SYCP2L: variants seen among roughly 807,000 people sequenced by gnomAD.
The protein encoded by SYCP2L is synaptonemal complex protein 2-like.
SYCP2L carries 98 observed loss-of-function variants against 125.8 expected under a neutral mutation model. The observed-to-expected ratio is 0.78, with a 90% CI of 0.66 to 0.92. The LOEUF is 0.92. Ranked by LOEUF, SYCP2L falls within the 40% of genes least tolerant of loss-of-function variation. The pLI is 0.00. For synonymous variants in SYCP2L, 317 were observed against 325.4 expected, an observed-to-expected ratio of 0.97 and a Z score of 0.28; for missense variants, 842 against 936.4, an observed-to-expected ratio of 0.90 and a Z score of 1.32.
chr6:10,937,153 C>T (rs1002902596), intron 21 of SYCP2L, among the ~76,000 whole-genome samples: 2 of 152,162 alleles, frequency 1.3e-5, no homozygotes, highest in African/African-American at 4.8e-5. Context: ...CTCCAGTGTA[C>T]AGTGCGCATG....
chr6:10,893,070 C>T (rs990886455), intron 2 of SYCP2L, among the ~76,000 whole-genome samples: 6 of 151,284 alleles, frequency 4.0e-5, no homozygotes, highest in Non-Finnish European at 5.9e-5. Context: ...TGCAGTGGTG[C>T]GATCTCGACT....
At chr6:10,898,730 C>A in intron 5 of SYCP2L, 94 bp from the exon 6 acceptor site, 1 of 859,332 alleles carries the variant, frequency 1.2e-6, no homozygotes, top group Non-Finnish European at 1.9e-6. Context: ...CAATGCCTGC[C>A]TGTTAGAGAA....
chr6:10,924,703 A>T, intron 15 of SYCP2L, 62 bp downstream of exon 15: 1 of 1,354,630 alleles, frequency 7.4e-7, no homozygotes, highest in Non-Finnish European at 9.6e-7. Context: ...TGTCTATTAA[A>T]TGTCCTTGTT....
chr6:10,953,236 A>G (rs1781442871), intron 23 of SYCP2L, among the ~76,000 whole-genome samples: 4 of 152,136 alleles, frequency 2.6e-5, no homozygotes, highest in Admixed American at 6.5e-5. Flanking sequence ...TTCCAAATTC[A>G]TATATTTATA....
Position 10,963,787 on chromosome 6 carries a change from A to G in SYCP2L, c.2420A>G (p.Asn807Ser), listed in dbSNP as rs763138504. The change falls in exon 29 of 30, where the codon AAT becomes AGT. Residue 807 changes from asparagine (N) to serine (S), a missense_variant. Transcript: ENST00000283141. ...GATGGACCAATTTCTTCCAGGTTCA[A>G]TTCAACTCAGACTTCATAAGAAAGC... ...SFCDLQVLRFNSTQTS is the reference protein window; with the variant it reads ...SFCDLQVLRFSSTQTS The G allele has an allele frequency of 1.5e-5, 25 of 1,613,868 alleles. No homozygotes were observed. The East Asian group carries it at 2.7e-4, about 17-fold the overall frequency.
chr6:10,942,232 G>A (rs1017232955), intron 21 of SYCP2L, among the ~76,000 whole-genome samples: 1 of 151,962 alleles, frequency 6.6e-6, no homozygotes, highest in Non-Finnish European at 1.5e-5. Flanking sequence ...CACCAACATG[G>A]CACATGTATA....
chr6:10,923,935 C>T lies in SYCP2L; in HGVS notation c.1073-561C>T, dbSNP rs550394856. On this transcript the variant is annotated intron_variant, in intron 14 of 29. Coordinates refer to ENST00000283141, the MANE Select transcript of SYCP2L (RefSeq NM_001040274.3). ...TCCTGACCTCGTGATCCACCCGCCT[C>T]GGCCTCCCAAAGTGCTGGGATTACA... Among the ~76,000 whole-genome samples the T allele has an allele frequency of 4.1e-3, 618 of 152,280 alleles. 3 individuals are homozygous for T. The highest frequency in any genetic ancestry group is 0.01 in the Middle Eastern group (3 of 294).
rs924048288 is a variant in SYCP2L, at chr6:10,887,273, C to T, written c.9+138C>T. The stretch of plus-strand genomic sequence containing the variant: ...GGTGCTGGGCATAGTCCCCCGCCAC[C>T]TCCTTGGGTTTGCTCGGAGTGTATT... On this transcript the variant is annotated intron_variant, in intron 1 of 29. Transcript: ENST00000283141. 32 of 1,194,990 alleles carry T rather than the reference C, an allele frequency of 2.7e-5. No homozygotes were observed. The African/African-American group carries it at 3.3e-4, about 12-fold the overall frequency. The allele number at this position is 1,194,990 out of a possible 1,614,324, so 74.0% of individuals were successfully genotyped here. A position where few individuals can be genotyped will look rare whatever the true frequency, so the allele number is the denominator to read the frequency against.
intron 4 of SYCP2L, among the ~76,000 whole-genome samples, chr6:10,894,630 A>G (rs988438671): frequency 5.9e-5 from 9 of 152,192 alleles, no homozygotes; most frequent in Admixed American, 5.2e-4. Context: ...TAAACCTTGG[A>G]TGAATCTGAA....
intron 4 of SYCP2L, 68 bp from the exon 5 acceptor site, chr6:10,897,943 T>C (rs777965087): frequency 4.0e-5 from 40 of 1,009,108 alleles, no homozygotes; most frequent in Admixed American, 1.8e-5. Context: ...GAGAAAATTG[T>C]CTTGTGCAAT....
chr6:10,920,043 G>A (rs1780766404), intron 14 of SYCP2L, among the ~76,000 whole-genome samples: 1 of 152,146 alleles, frequency 6.6e-6, no homozygotes, highest in African/African-American at 2.4e-5. Context: ...GAAGTGTGGG[G>A]TCTTCATGAC....
At chr6:10,915,748 C>G (rs66602047) in intron 14 of SYCP2L, among the ~76,000 whole-genome samples, 35,266 of 152,008 alleles carry the variant, frequency 0.23, 4,513 homozygotes, top group Non-Finnish European at 0.29. Flanking sequence ...ATTTTAGCAT[C>G]TATGTTCATC....
Position 10,927,238 on chromosome 6 carries a change from A to C in SYCP2L, c.1313-2A>C. 1 of 1,614,040 alleles carries C rather than the reference A, an allele frequency of 6.2e-7. No individual in the cohort carries two copies. The highest frequency in any genetic ancestry group is 8.5e-7 in the Non-Finnish European group (1 of 1,179,974). On this transcript the variant is annotated splice_acceptor_variant, in intron 16 of 29. Transcript: ENST00000283141. LOFTEE classifies it high-confidence loss of function. ...TATTAGTCTTTTTCTTAATTTGTAT[A>C]GAGCAGGCAGAAGAATCCACTAACA...
rs10946907 is a variant in SYCP2L, at chr6:10,954,221, G to T, written c.1955-895G>T. ...GATGTCACAACTAAAGGTACAGTGC[G>T]GGGGAGAGAGTGGTTTTAAGTGGGA... On this transcript the variant is annotated intron_variant, in intron 23 of 29. Coordinates refer to ENST00000283141, the MANE Select transcript of SYCP2L (RefSeq NM_001040274.3). The surrounding 1 kb of genome is among the most constrained non-coding windows in gnomAD (Gnocchi z 4.8). 0.051 allele frequency among the ~76,000 whole-genome samples: 7,759 copies of T among 152,288 alleles called. 273 individuals carry two copies. Among genetic ancestry groups the T allele is most frequent in the African/African-American group, 0.083 (3,437 of 41,562 alleles).
At chr6:10,923,052 C>T (rs996420589) in intron 14 of SYCP2L, among the ~76,000 whole-genome samples, 1 of 152,088 alleles carries the variant, frequency 6.6e-6, no homozygotes, top group African/African-American at 2.4e-5. Flanking sequence ...TTTGTGCTTA[C>T]AGAGCATCTC....
At chr6:10,923,282 T>C (rs1481908269) in intron 14 of SYCP2L, among the ~76,000 whole-genome samples, 2 of 152,078 alleles carry the variant, frequency 1.3e-5, no homozygotes, top group Non-Finnish European at 2.9e-5. Context: ...GTGAATTTGG[T>C]CTAAGCCATT....
chr6:10,913,185 T>A (rs781487418), intron 14 of SYCP2L, among the ~76,000 whole-genome samples: 4 of 152,240 alleles, frequency 2.6e-5, no homozygotes, highest in Non-Finnish European at 5.9e-5. Flanking sequence ...AACTACCATA[T>A]GATCCAGCAA....
chr6:10,892,783 T>A lies in SYCP2L; in HGVS notation c.79-1084T>A, dbSNP rs75103289. 5.5e-3 allele frequency among the ~76,000 whole-genome samples: 844 copies of A among 152,306 alleles called. 4 individuals are homozygous for A. The highest frequency in any genetic ancestry group is 8.6e-3 in the Non-Finnish European group (584 of 68,028). On this transcript the variant is annotated intron_variant, in intron 2 of 29. Transcript: ENST00000283141. ...ACACACTTGGCACAAAAAAGCTCAC[T>A]ATGTGTTAACTTAAAAAAGAAAACA...
At chr6:10,971,181 A>G (rs1781763154) in intron 29 of SYCP2L, among the ~76,000 whole-genome samples, 1 of 152,216 alleles carries the variant, frequency 6.6e-6, no homozygotes, top group East Asian at 1.9e-4. Context: ...ACTGAAAGAT[A>G]GGGGGTCGGG....
Sources: gnomAD v4.1 joint callset for allele counts (sites outside exome capture counted in the v4.1 genomes callset) on GRCh38, gnomAD v4.1.1 for gene constraint, Gnocchi (gnomAD v3.1) non-coding constraint, MANE v1.5 for transcripts, NCBI Gene and HGNC (gene_info 2026-07-23, HGNC 2026-07-21) for gene names.